Variants in ADH7 observed in about 807,000 individuals in gnomAD.
ADH7 encodes alcohol dehydrogenase 7 (class IV), mu or sigma polypeptide.
A neutral mutation model predicts 34.4 loss-of-function variants in ADH7; 41 were observed. The ratio of observed to expected loss-of-function variants is 1.19; its 90% CI spans 0.93 to 1.55. The LOEUF is 1.55. ADH7 is among the 40% of genes most tolerant of loss of function. The pLI, the probability that ADH7 is intolerant of heterozygous loss-of-function variation, is 0.00. For synonymous variants in ADH7, 180 were observed against 160.9 expected (o/e 1.12, Z -0.90); for missense variants, 540 against 461.2 (o/e 1.17, Z -1.56).
Position 99,429,525 on chromosome 4 carries a change from C to T in ADH7, c.120+7G>A, listed in dbSNP as rs774683127. 2.3e-5 allele frequency: 37 copies of T among 1,604,588 alleles called. No individual in the cohort carries two copies. The East Asian group carries it at 2.5e-4, about 11-fold the overall frequency. ...TTTGGCTTAAGTTCTCTAGGGCTCA[C>T]GCTTACCTTAATGCGAACTTCTTTA... On this transcript the variant is annotated splice_region_variant and intron_variant, in intron 2 of 8. Coordinates refer to ENST00000437033, the MANE Select transcript of ADH7 (RefSeq NM_000673.7).
chr4:99,412,962 C>A lies in ADH7; in HGVS notation c.*186G>T. On this transcript the variant is annotated 3_prime_UTR_variant, in exon 9 of 9. Transcript: ENST00000437033. ...ATTAACATTGTTATTATACTAATTCCCAGGTGCTCACAAGACTTTAAATGT... is the reference window on the plus strand; with the variant it reads ...ATTAACATTGTTATTATACTAATTCACAGGTGCTCACAAGACTTTAAATGT... 1 of 473,234 alleles carries A rather than the reference C, an allele frequency of 2.1e-6. No individual in the cohort carries two copies. The highest frequency in any genetic ancestry group is 3.8e-5 in the Admixed American group (1 of 26,052). 29.3% of individuals were successfully genotyped at this position (473,234 alleles called of 1,614,324 possible). A position where few individuals can be genotyped will look rare whatever the true frequency, so the allele number is the denominator to read the frequency against.
chr4:99,419,206 A>C lies in ADH7; in HGVS notation c.826-85T>G, dbSNP rs74781610. 721 of 1,414,518 alleles carry C rather than the reference A, an allele frequency of 5.1e-4. No homozygotes were observed. In the African/African-American group the frequency reaches 6.5e-3, roughly 13 times the overall value. 87.6% of individuals were successfully genotyped at this position (1,414,518 alleles called of 1,614,324 possible). A position where few individuals can be genotyped will look rare whatever the true frequency, so the allele number is the denominator to read the frequency against. ...TCTGAAATGACCTATGTACTATGACAAAGTCATGAAATTAAATTAAGCCAC... is the reference window on the plus strand; with the variant it reads ...TCTGAAATGACCTATGTACTATGACCAAGTCATGAAATTAAATTAAGCCAC... On this transcript the variant is annotated intron_variant, in intron 6 of 8. Transcript: ENST00000437033.
At chr4:99,415,828 T>C (rs1422924233) in intron 7 of ADH7, 1 of 345,914 alleles carries the variant, frequency 2.9e-6, no homozygotes, top group Non-Finnish European at 5.2e-6. Flanking sequence ...TGCAGGGACA[T>C]GGATGAAGCT....
At chr4:99,429,673 C>T (rs1413653403) in intron 1 of ADH7, 40 bp from the exon 2 acceptor site, 8 of 1,439,190 alleles carry the variant, frequency 5.6e-6, no homozygotes, top group Non-Finnish European at 7.7e-6. Flanking sequence ...CTGAATTATG[C>T]CTTTAACTTA....
chr4:99,428,111 T>A lies in ADH7; in HGVS notation c.323A>T (p.Asp108Val). 1 of 1,614,014 alleles carries A rather than the reference T, an allele frequency of 6.2e-7. No individual in the cohort carries two copies. The highest frequency in any genetic ancestry group is 8.5e-7 in the Non-Finnish European group (1 of 1,179,904). The change falls in exon 4 of 9, where the codon GAT (aspartate) becomes GTT (valine). Residue 108 changes from aspartate (D) to valine (V), a missense_variant. By Grantham distance (152) the Asp-to-Val change is radical. Transcript: ENST00000437033. Reference sequence around the variant, plus strand: ...CTCGCTCCTAATGCAAAGGTTGCCATCTGGGTTGCGACAAGCATTGCATTC... The same window carrying A: ...CTCGCTCCTAATGCAAAGGTTGCCAACTGGGTTGCGACAAGCATTGCATTC... Reference protein sequence around the residue: ...CRECNACRNPDGNLCIRSDIT... With the variant: ...CRECNACRNPVGNLCIRSDIT...
At chr4:99,421,453 G>T (rs1721661472) in intron 5 of ADH7, among the ~76,000 whole-genome samples, 2 of 152,196 alleles carry the variant, frequency 1.3e-5, no homozygotes, top group South Asian at 4.1e-4. Flanking sequence ...GCCATATGCA[G>T]AAAACTCAGA....
intron 5 of ADH7, among the ~76,000 whole-genome samples, chr4:99,425,228 A>G (rs1339697933): frequency 6.6e-6 from 1 of 152,180 alleles, no homozygotes; most frequent in South Asian, 2.1e-4. Context: ...TTAAATGTAA[A>G]TGGACTAAAT....
intron 4 of ADH7, 23 bp from the exon 5 acceptor site, chr4:99,428,012 G>T (rs375999028): frequency 1.5e-5 from 24 of 1,612,302 alleles, no homozygotes; most frequent in African/African-American, 2.7e-5. Flanking sequence ...TCAAATACAC[G>T]TATTAATTAA....
At chr4:99,434,005 C>T (rs1721994101) in intron 1 of ADH7, among the ~76,000 whole-genome samples, 2 of 152,094 alleles carry the variant, frequency 1.3e-5, no homozygotes, top group African/African-American at 4.8e-5. Flanking sequence ...ATATATAATC[C>T]TTAGGCAAAC....
At chr4:99,415,737 C>T in intron 7 of ADH7, 121 bp from the exon 8 acceptor site, 1 of 1,061,570 alleles carries the variant, frequency 9.4e-7, no homozygotes, top group Non-Finnish European at 1.3e-6. Flanking sequence ...TCATTCCCAG[C>T]AGTGTACAAA....
Position 99,435,270 on chromosome 4 carries a change from A to G in ADH7, c.-37T>C, listed in dbSNP as rs752192294. ...CTTGGATCTGTATTTCTGCAAACAT[A>G]GACTTTTTCTGACTGATGCTCAGTT... On this transcript the variant is annotated 5_prime_UTR_variant, in exon 1 of 9. Coordinates refer to ENST00000437033, the MANE Select transcript of ADH7 (RefSeq NM_000673.7). 2.0e-5 allele frequency: 33 copies of G among 1,613,140 alleles called. No homozygotes were observed. Among genetic ancestry groups the G allele is most frequent in the Non-Finnish European group, 2.4e-5 (28 of 1,179,608 alleles).
At chr4:99,415,323 C>A (rs1260031003) in intron 8 of ADH7, 155 bp downstream of exon 8, 2 of 787,650 alleles carry the variant, frequency 2.5e-6, no homozygotes, top group African/African-American at 1.8e-5. Context: ...TGAAAATACA[C>A]TAATGCAGTG....
In ADH7 at chr4:99,419,012, C is replaced by T. The variant is rs148046430; in HGVS notation, c.935G>A (p.Arg312His). 1.4e-5 allele frequency: 23 copies of T among 1,613,778 alleles called. 1 individual carries two copies. Among genetic ancestry groups the T allele is most frequent in the African/African-American group, 8.0e-5 (6 of 74,996 alleles). The stretch of plus-strand genomic sequence containing the variant: ...TCCAAAGACACATCCCTTCCATGTG[C>T]GTCCAGTGAAGAGCAACATCGGGTC... ...TYDPMLLFTG[R>H]TWKGCVFGGL... Residue 312 changes from arginine (R) to histidine (H), a missense_variant, in exon 7 of 9, where the codon CGC (arginine) becomes CAC (histidine). Transcript: ENST00000437033.
At chr4:99,428,238 T>C in intron 3 of ADH7, 64 bp from the exon 4 acceptor site, 1 of 1,468,798 alleles carries the variant, frequency 6.8e-7, no homozygotes, top group Middle Eastern at 1.7e-4. Context: ...AATTAACAAA[T>C]GTGAATTGAG....
intron 5 of ADH7, among the ~76,000 whole-genome samples, chr4:99,425,945 G>T (rs1721794064): frequency 6.6e-6 from 1 of 152,104 alleles, no homozygotes; most frequent in Non-Finnish European, 1.5e-5. Context: ...TGAACAACCT[G>T]CTCCTGAATG....
intron 5 of ADH7, among the ~76,000 whole-genome samples, chr4:99,425,282 G>A (rs1208105943): frequency 3.3e-5 from 5 of 152,112 alleles, no homozygotes; most frequent in South Asian, 2.1e-4. Flanking sequence ...ATAAACAGTC[G>A]AGACCCATCA....
Position 99,428,088 on chromosome 4 carries a change from C to T in ADH7, c.346G>A (p.Asp116Asn), listed in dbSNP as rs549028723. The change falls in exon 4 of 9, where the codon GAT (aspartate) becomes AAT (asparagine). Residue 116 changes from aspartate (D) to asparagine (N), a missense_variant and splice_region_variant. Transcript: ENST00000437033. ...AAAGTAAAAATGACTGAAACCTACTCGCTCCTAATGCAAAGGTTGCCATCT... is the reference window on the plus strand; with the variant it reads ...AAAGTAAAAATGACTGAAACCTACTTGCTCCTAATGCAAAGGTTGCCATCT... ...NPDGNLCIRS[D>N]ITGRGVLADG... 28 of 1,613,852 alleles carry T rather than the reference C, an allele frequency of 1.7e-5. No individual in the cohort carries two copies. The highest frequency in any genetic ancestry group is 4.5e-5 in the East Asian group (2 of 44,880).
At chr4:99,434,304 A>C (rs1022758179) in intron 1 of ADH7, among the ~76,000 whole-genome samples, 3 of 152,156 alleles carry the variant, frequency 2.0e-5, no homozygotes, top group Non-Finnish European at 4.4e-5. Flanking sequence ...TTCCCAAGTA[A>C]TCTAGTTTTG....
intron 6 of ADH7, among the ~76,000 whole-genome samples, chr4:99,420,285 T>C (rs1373237061): frequency 6.6e-6 from 1 of 152,208 alleles, no homozygotes; most frequent in African/African-American, 2.4e-5. Flanking sequence ...AAGGGTTGAC[T>C]ACCTTGCCAT....
Sources: gnomAD v4.1 joint callset for allele counts (sites outside exome capture counted in the v4.1 genomes callset) on GRCh38, gnomAD v4.1.1 for gene constraint, MANE v1.5 for transcripts, NCBI Gene and HGNC (gene_info 2026-07-23, HGNC 2026-07-21) for gene names.